PTPRN2: variants seen among roughly 807,000 people sequenced by gnomAD.
The protein encoded by PTPRN2 is receptor-type tyrosine-protein phosphatase N2.
A neutral mutation model predicts 118.8 loss-of-function variants in PTPRN2; 74 were observed. That is an observed-to-expected ratio of 0.62 (90% CI 0.52 to 0.76). PTPRN2 has a LOEUF of 0.76. PTPRN2 is among the 30% of genes least tolerant of loss of function. The probability of loss-of-function intolerance (pLI) is 0.00; values close to 1 mark genes in which losing one functional copy is unlikely to be tolerated. For synonymous variants in PTPRN2, 641 were observed against 608.0 expected (o/e 1.05, Z -0.80); for missense variants, 1,481 against 1,394.4 (o/e 1.06, Z -0.99).
chr7:157,792,303 G>C (rs1488915971), intron 12 of PTPRN2, among the ~76,000 whole-genome samples: 2 of 152,222 alleles, frequency 1.3e-5, no homozygotes, highest in African/African-American at 4.8e-5. Context: ...GGTGTGCAGC[G>C]TACTTGCTAT....
chr7:157,825,913 G>A (rs1406255384), intron 12 of PTPRN2, among the ~76,000 whole-genome samples: 1 of 152,214 alleles, frequency 6.6e-6, no homozygotes, highest in Non-Finnish European at 1.5e-5. Context: ...GTGGCTTAGG[G>A]GTGCTTGAAA....
chr7:158,278,033 C>G (rs932302657), intron 3 of PTPRN2, among the ~76,000 whole-genome samples: 1 of 152,148 alleles, frequency 6.6e-6, no homozygotes, highest in African/African-American at 2.4e-5. Context: ...TCTGACACAC[C>G]CAGAGAATCA....
At chr7:157,789,127 TG>T (rs1361501439) in intron 12 of PTPRN2, among the ~76,000 whole-genome samples, 1 of 152,204 alleles carries the variant, frequency 6.6e-6, no homozygotes, top group Non-Finnish European at 1.5e-5. Context: ...CCACACCTGA[TG>T]GGGGAAATCA....
At chr7:158,500,826 G>C (rs907409017) in intron 1 of PTPRN2, among the ~76,000 whole-genome samples, 1 of 152,270 alleles carries the variant, frequency 6.6e-6, no homozygotes, top group Non-Finnish European at 1.5e-5. Flanking sequence ...GCGGGGCCCA[G>C]TCCCCGAGTT....
intron 2 of PTPRN2, among the ~76,000 whole-genome samples, chr7:158,366,678 C>A (rs934236374): frequency 6.6e-6 from 1 of 151,984 alleles, no homozygotes; most frequent in Non-Finnish European, 1.5e-5. Flanking sequence ...GGTTCTTCTG[C>A]CACATTTGCT....
At chr7:157,728,461 C>A (rs896281651) in intron 12 of PTPRN2, among the ~76,000 whole-genome samples, 6 of 152,348 alleles carry the variant, frequency 3.9e-5, no homozygotes, top group Middle Eastern at 3.4e-3. Flanking sequence ...GGCTGGGCCA[C>A]ACTTGTCTGC....
At chr7:158,032,505 A>G (rs1421923923) in intron 11 of PTPRN2, among the ~76,000 whole-genome samples, 1 of 152,164 alleles carries the variant, frequency 6.6e-6, no homozygotes, top group Non-Finnish European at 1.5e-5. Flanking sequence ...TCCGCCTGAG[A>G]GACAGATGCC....
At chr7:158,087,181 C>T (rs1813489373) in intron 10 of PTPRN2, among the ~76,000 whole-genome samples, 1 of 152,208 alleles carries the variant, frequency 6.6e-6, no homozygotes, top group Admixed American at 6.5e-5. Context: ...ATAAAATCCA[C>T]TCTCTAAATT....
intron 12 of PTPRN2, among the ~76,000 whole-genome samples, chr7:157,830,972 G>A (rs1302309375): frequency 6.6e-6 from 1 of 152,208 alleles, no homozygotes; most frequent in Non-Finnish European, 1.5e-5. Context: ...GATGTCTGCA[G>A]CAACCTTTGT....
In PTPRN2 at chr7:158,070,519, C is replaced by T. The variant is rs1180813108; in HGVS notation, c.1723+10779G>A. Among the ~76,000 whole-genome samples, 337 of 90,358 alleles carry T rather than the reference C, an allele frequency of 3.7e-3. 1 individual carries two copies. Among genetic ancestry groups the T allele is most frequent in the Non-Finnish European group, 4.7e-3 (231 of 49,344 alleles). The allele number at this position is 90,358 out of a possible 152,430, so 59.3% of individuals were successfully genotyped here. A position where few individuals can be genotyped will look rare whatever the true frequency, so the allele number is the denominator to read the frequency against. ...AGGTGCCCGTGGTGGTGGAGGTGCT[C>T]CTGGTGGTGGAGGTGCTCCTGGTGG... On this transcript the variant is annotated intron_variant, in intron 11 of 22. Transcript: ENST00000389418.
chr7:158,458,303 G>A (rs976829762), intron 2 of PTPRN2, among the ~76,000 whole-genome samples: 1 of 152,164 alleles, frequency 6.6e-6, no homozygotes, highest in African/African-American at 2.4e-5. Flanking sequence ...GTGATCTGCA[G>A]TCCATCGGGA....
intron 6 of PTPRN2, among the ~76,000 whole-genome samples, chr7:158,145,170 T>A (rs1013731819): frequency 2.7e-5 from 4 of 149,588 alleles, no homozygotes; most frequent in Non-Finnish European, 5.9e-5. Flanking sequence ...CCTCACATCA[T>A]CGTGAGAAGG....
chr7:158,374,156 G>A (rs1314970005), intron 2 of PTPRN2, among the ~76,000 whole-genome samples: 5 of 152,166 alleles, frequency 3.3e-5, no homozygotes, highest in Admixed American at 6.5e-5. Context: ...GCAAACAGAG[G>A]AAACAGAATC....
chr7:158,482,092 AAACTTT>A (rs2067467220), intron 2 of PTPRN2, among the ~76,000 whole-genome samples: 1 of 152,164 alleles, frequency 6.6e-6, no homozygotes, highest in African/African-American at 2.4e-5. Flanking sequence ...TCTCATGATA[AAACTTT>A]AACAGGTGAG....
At chr7:158,356,481 G>T (rs1554476626) in intron 2 of PTPRN2, among the ~76,000 whole-genome samples, 1 of 152,036 alleles carries the variant, frequency 6.6e-6, no homozygotes, top group Non-Finnish European at 1.5e-5. Flanking sequence ...GCTTCCTTGG[G>T]TTTTTTTGGA....
intron 3 of PTPRN2, among the ~76,000 whole-genome samples, chr7:158,235,339 G>C (rs150779329): frequency 5.3e-5 from 8 of 152,096 alleles, no homozygotes; most frequent in Non-Finnish European, 1.0e-4. Context: ...ATATGGAGTC[G>C]ACCTAAGTGT....
intron 12 of PTPRN2, among the ~76,000 whole-genome samples, chr7:157,860,586 C>T (rs1257873072): frequency 6.6e-6 from 1 of 152,238 alleles, no homozygotes; most frequent in Non-Finnish European, 1.5e-5. Flanking sequence ...AACGCGTTTC[C>T]ACGCTGGAAC....
intron 1 of PTPRN2, among the ~76,000 whole-genome samples, chr7:158,551,529 G>A (rs536892238): frequency 1.6e-4 from 24 of 145,790 alleles, no homozygotes; most frequent in African/African-American, 5.6e-4. Flanking sequence ...ATCTGGAGTG[G>A]GGCTCTAACA....
Position 158,514,981 on chromosome 7 carries a change from G to A in PTPRN2, c.113-25196C>T, listed in dbSNP as rs138340021. 6.6e-5 allele frequency among the ~76,000 whole-genome samples: 10 copies of A among 152,226 alleles called. No homozygotes were observed. The East Asian group carries it at 1.9e-3, about 29-fold the overall frequency. ...AAAATCATCTGAAGAAGAGGATTCCGTGACCACTCTTATTTTATCTCCACA... is the reference window on the plus strand; with the variant it reads ...AAAATCATCTGAAGAAGAGGATTCCATGACCACTCTTATTTTATCTCCACA... On this transcript the variant is annotated intron_variant, in intron 1 of 22. Coordinates refer to ENST00000389418, the MANE Select transcript of PTPRN2 (RefSeq NM_002847.5).
Sources: allele counts gnomAD v4.1 joint callset (sites outside exome capture counted in the v4.1 genomes callset), GRCh38; gene constraint gnomAD v4.1.1; transcripts MANE v1.5; gene names NCBI Gene and HGNC (gene_info 2026-07-23, HGNC 2026-07-21).